ST8SIA5: variants seen among roughly 807,000 people sequenced by gnomAD.
ST8SIA5 encodes ST8 alpha-N-acetyl-neuraminide alpha-2,8-sialyltransferase 5, also known as alpha-2,8-sialyltransferase 8E.
ST8SIA5 carries 24 observed loss-of-function variants against 40.2 expected under a neutral mutation model. That is an observed-to-expected ratio of 0.60 (90% CI 0.43 to 0.84). The LOEUF is 0.84. Ranked by LOEUF, ST8SIA5 falls within the 40% of genes least tolerant of loss-of-function variation. The probability of loss-of-function intolerance (pLI) is 0.00; values close to 1 mark genes in which losing one functional copy is unlikely to be tolerated. For synonymous variants in ST8SIA5, 198 were observed against 201.8 expected, an observed-to-expected ratio of 0.98 and a Z score of 0.16; for missense variants, 465 against 498.5, an observed-to-expected ratio of 0.93 and a Z score of 0.64.
In ST8SIA5 at chr18:46,737,624, CAT is replaced by C. The variant is rs1039233667; in HGVS notation, c.131+18752_131+18753del. Among the ~76,000 whole-genome samples, 7 of 152,298 alleles carry C rather than the reference CAT, an allele frequency of 4.6e-5. No individual in the cohort carries two copies. The East Asian group carries it at 1.4e-3, about 29-fold the overall frequency. The stretch of plus-strand genomic sequence containing the variant: ...GTCTTACCAGCTGTGTGACTTTACA[CAT>C]GTTACTTCCCCTCTCTGCAAGAATA... On this transcript the variant is annotated intron_variant, in intron 1 of 6. Transcript: ENST00000315087.
chr18:46,718,202 T>G (rs1599129693), intron 1 of ST8SIA5, among the ~76,000 whole-genome samples: 1 of 151,750 alleles, frequency 6.6e-6, no homozygotes, highest in African/African-American at 2.4e-5. Context: ...TGGTGGCAGG[T>G]GCCTGTAGTC....
Position 46,673,632 on chromosome 18 carries a change from C to T in ST8SIA5, c.*6410G>A, listed in dbSNP as rs1469362228. The T allele has an allele frequency of 6.6e-6, 1 of 152,094 alleles. No individual in the cohort carries two copies. The highest frequency in any genetic ancestry group is 1.9e-4 in the East Asian group (1 of 5,140). 9.4% of individuals were successfully genotyped at this position (152,094 alleles called of 1,614,324 possible). A position where few individuals can be genotyped will look rare whatever the true frequency, so the allele number is the denominator to read the frequency against. On this transcript the variant is annotated 3_prime_UTR_variant, in exon 7 of 7. Coordinates refer to ENST00000315087, the MANE Select transcript of ST8SIA5 (RefSeq NM_013305.6). ...TCAGAAGGCCATCCTACAGGGCATCCTAATAAACCCATGTGATCTTCAAAG... is the reference window on the plus strand; with the variant it reads ...TCAGAAGGCCATCCTACAGGGCATCTTAATAAACCCATGTGATCTTCAAAG...
chr18:46,680,010 C>A lies in ST8SIA5; in HGVS notation c.*32G>T, dbSNP rs765551790. On this transcript the variant is annotated 3_prime_UTR_variant, in exon 7 of 7. Coordinates refer to ENST00000315087, the MANE Select transcript of ST8SIA5 (RefSeq NM_013305.6). ...CCAGGAGGGACAGCAGGAGAGGGGGCGCCGCTTGCCGGGCAGCCTGGCTGG... is the reference window on the plus strand; with the variant it reads ...CCAGGAGGGACAGCAGGAGAGGGGGAGCCGCTTGCCGGGCAGCCTGGCTGG... The A allele has an allele frequency of 6.4e-7, 1 of 1,570,508 alleles. No individual in the cohort carries two copies. Among genetic ancestry groups the A allele is most frequent in the Non-Finnish European group, 8.6e-7 (1 of 1,157,228 alleles).
chr18:46,709,288 C>A (rs2039699069), intron 1 of ST8SIA5, among the ~76,000 whole-genome samples: 1 of 152,182 alleles, frequency 6.6e-6, no homozygotes, highest in Non-Finnish European at 1.5e-5. Context: ...GCCTTTCCAC[C>A]ATGTGAGGAT....
chr18:46,754,020 G>A (rs1159280950), intron 1 of ST8SIA5, among the ~76,000 whole-genome samples: 1 of 152,042 alleles, frequency 6.6e-6, no homozygotes, highest in Middle Eastern at 3.2e-3. Flanking sequence ...GAAGAACACT[G>A]GTCAAGTGTT....
chr18:46,675,601 G>A lies in ST8SIA5; in HGVS notation c.*4441C>T, dbSNP rs2039334540. 6.6e-6 allele frequency: 1 copy of A among 152,182 alleles called. No individual in the cohort carries two copies. Among genetic ancestry groups the A allele is most frequent in the South Asian group, 2.1e-4 (1 of 4,826 alleles). 9.4% of individuals were successfully genotyped at this position (152,182 alleles called of 1,614,324 possible). A position where few individuals can be genotyped will look rare whatever the true frequency, so the allele number is the denominator to read the frequency against. On this transcript the variant is annotated 3_prime_UTR_variant, in exon 7 of 7. Transcript: ENST00000315087. ...AAGATACTTAAGGCTTTGAATAGATGAGATTTCTGCAGGAATGCTCCTAGG... is the reference window on the plus strand; with the variant it reads ...AAGATACTTAAGGCTTTGAATAGATAAGATTTCTGCAGGAATGCTCCTAGG...
intron 1 of ST8SIA5, among the ~76,000 whole-genome samples, chr18:46,714,075 T>C (rs1219458704): frequency 1.3e-5 from 2 of 151,824 alleles, no homozygotes; most frequent in Admixed American, 1.3e-4. Flanking sequence ...GGAGGAAAGG[T>C]TTACAATCAG....
intron 1 of ST8SIA5, among the ~76,000 whole-genome samples, chr18:46,751,115 C>T (rs2040191473): frequency 6.6e-6 from 1 of 152,150 alleles, no homozygotes; most frequent in Non-Finnish European, 1.5e-5. Context: ...AAACTCCATA[C>T]CCATTAAAAG....
chr18:46,736,754 G>T (rs2040038228), intron 1 of ST8SIA5, among the ~76,000 whole-genome samples: 1 of 152,048 alleles, frequency 6.6e-6, no homozygotes, highest in South Asian at 2.1e-4. Context: ...AAAATCAGAT[G>T]GAATACCAGG....
At chr18:46,736,010 A>T (rs1016574669) in intron 1 of ST8SIA5, among the ~76,000 whole-genome samples, 1 of 152,208 alleles carries the variant, frequency 6.6e-6, no homozygotes, top group South Asian at 2.1e-4. Context: ...CTGCGTATGA[A>T]TCTACAATTC....
At chr18:46,744,698 C>T (rs2040121556) in intron 1 of ST8SIA5, among the ~76,000 whole-genome samples, 1 of 152,192 alleles carries the variant, frequency 6.6e-6, no homozygotes, top group Admixed American at 6.5e-5. Flanking sequence ...TTGAACTCAG[C>T]TCTGCACCAA....
chr18:46,686,321 G>A, intron 4 of ST8SIA5, 35 bp from the exon 5 acceptor site: 1 of 1,578,644 alleles, frequency 6.3e-7, no homozygotes, highest in South Asian at 1.1e-5. Flanking sequence ...TCAGAGCCAA[G>A]CCACCCCCTG....
chr18:46,683,398 C>T (rs922051407), intron 5 of ST8SIA5, among the ~76,000 whole-genome samples: 2 of 151,880 alleles, frequency 1.3e-5, no homozygotes, highest in Non-Finnish European at 2.9e-5. Flanking sequence ...GAATGTGGAA[C>T]TCATGAGCAT....
intron 1 of ST8SIA5, among the ~76,000 whole-genome samples, chr18:46,715,691 G>T (rs916803530): frequency 6.6e-6 from 1 of 151,810 alleles, no homozygotes; most frequent in Non-Finnish European, 1.5e-5. Flanking sequence ...GTGATCTTCC[G>T]ACCTCAGCCT....
rs1351781303 is a variant in ST8SIA5 at position 46,678,139 on chromosome 18, G to C, written c.*1903C>G. ...CTTTGCAGTTCTTCCTGGTTTAGCA[G>C]GTGTTTGGGATCATTTCATCCCCTT... On this transcript the variant is annotated 3_prime_UTR_variant, in exon 7 of 7. Transcript: ENST00000315087. The C allele has an allele frequency of 1.3e-5, 2 of 152,202 alleles. No homozygotes were observed. The highest frequency in any genetic ancestry group is 4.8e-5 in the African/African-American group (2 of 41,436). 9.4% of individuals were successfully genotyped at this position (152,202 alleles called of 1,614,324 possible).
intron 2 of ST8SIA5, among the ~76,000 whole-genome samples, chr18:46,700,640 G>A (rs895673437): frequency 2.6e-5 from 4 of 152,190 alleles, no homozygotes; most frequent in African/African-American, 9.7e-5. Flanking sequence ...CAGGGCTTGG[G>A]GTCACAGAGA....
rs779359715 is a variant in ST8SIA5, at chr18:46,677,593, T to C, written c.*2449A>G. 1 of 152,306 alleles carries C rather than the reference T, an allele frequency of 6.6e-6. No homozygotes were observed. Among genetic ancestry groups the C allele is most frequent in the East Asian group, 1.9e-4 (1 of 5,186 alleles). 9.4% of individuals were successfully genotyped at this position (152,306 alleles called of 1,614,324 possible). A position where few individuals can be genotyped will look rare whatever the true frequency, so the allele number is the denominator to read the frequency against. On this transcript the variant is annotated 3_prime_UTR_variant, in exon 7 of 7. Transcript: ENST00000315087. Reference sequence around the variant, plus strand: ...TTTACAAAGCTTCTAGTTGTAGAGATGAGGAAACTGAGACATTGAGGGAGA... The same window carrying C: ...TTTACAAAGCTTCTAGTTGTAGAGACGAGGAAACTGAGACATTGAGGGAGA...
chr18:46,726,303 A>G (rs1248773710), intron 1 of ST8SIA5, among the ~76,000 whole-genome samples: 1 of 152,020 alleles, frequency 6.6e-6, no homozygotes, highest in East Asian at 1.9e-4. Context: ...TGCATTAGGA[A>G]CTGGTAGTTG....
At chr18:46,734,082 G>T (rs186579428) in intron 1 of ST8SIA5, among the ~76,000 whole-genome samples, 5 of 152,092 alleles carry the variant, frequency 3.3e-5, no homozygotes, top group African/African-American at 1.2e-4. Context: ...CAGAGAAGGT[G>T]CCAGGACCTT....
Sources: allele counts gnomAD v4.1 joint callset (sites outside exome capture counted in the v4.1 genomes callset), GRCh38; gene constraint gnomAD v4.1.1; transcripts MANE v1.5; gene names NCBI Gene and HGNC (gene_info 2026-07-23, HGNC 2026-07-21).